SLC35F1: variants seen among roughly 807,000 people sequenced by gnomAD.
The protein encoded by SLC35F1 is chromosome 6 open reading frame 169.
SLC35F1 carries 14 observed loss-of-function variants against 48.7 expected under a neutral mutation model. The observed-to-expected ratio is 0.29, with a 90% CI of 0.19 to 0.45. The LOEUF is 0.45. Among genes scored for constraint, SLC35F1 ranks in the 20% least tolerant of loss-of-function variants. The probability of loss-of-function intolerance (pLI) is 1.00; values close to 1 mark genes in which losing one functional copy is unlikely to be tolerated. For missense variants in SLC35F1, 404 were observed against 500.0 expected (o/e 0.81, Z 1.83); for synonymous variants, 190 against 202.2 (o/e 0.94, Z 0.51).
chr6:118,216,336 C>T (rs1775072082), intron 2 of SLC35F1, among the ~76,000 whole-genome samples: 2 of 151,428 alleles, frequency 1.3e-5, no homozygotes, highest in African/African-American at 4.9e-5. Flanking sequence ...GGATTACAGG[C>T]ATGAGCCACA....
At chr6:117,925,070 A>G (rs1233031283) in intron 1 of SLC35F1, among the ~76,000 whole-genome samples, 1 of 152,156 alleles carries the variant, frequency 6.6e-6, no homozygotes, top group African/African-American at 2.4e-5. Context: ...GTTACATGGA[A>G]ATAAGTGTGT....
At chr6:117,915,399 C>A (rs542964567) in intron 1 of SLC35F1, among the ~76,000 whole-genome samples, 1 of 152,116 alleles carries the variant, frequency 6.6e-6, no homozygotes, top group South Asian at 2.1e-4. Flanking sequence ...TGTAAAACCA[C>A]AGAGGAGGGA....
At chr6:118,178,680 A>G (rs547107409) in intron 2 of SLC35F1, among the ~76,000 whole-genome samples, 1 of 152,158 alleles carries the variant, frequency 6.6e-6, no homozygotes, top group South Asian at 2.1e-4. Flanking sequence ...CAGGAGACTG[A>G]CAATACCAAT....
At chr6:118,010,993 G>A (rs9385028) in intron 1 of SLC35F1, among the ~76,000 whole-genome samples, 36,260 of 152,038 alleles carry the variant, frequency 0.24, 4,461 homozygotes, top group East Asian at 0.3. Context: ...GGTTGTTAGA[G>A]CCTTGGCAGA....
chr6:117,943,981 T>C (rs544679492), intron 1 of SLC35F1, among the ~76,000 whole-genome samples: 1 of 152,184 alleles, frequency 6.6e-6, no homozygotes, highest in Non-Finnish European at 1.5e-5. Flanking sequence ...TTCTTCACCA[T>C]CCATAGATCT....
At chr6:118,070,888 A>T in intron 1 of SLC35F1, among the ~76,000 whole-genome samples, 1 of 64,492 alleles carries the variant, frequency 1.6e-5, no homozygotes, top group East Asian at 4.6e-4. Context: ...ATATATACAT[A>T]GTAAATATAT....
chr6:118,176,476 T>A (rs1428091838), intron 2 of SLC35F1, among the ~76,000 whole-genome samples: 1 of 152,132 alleles, frequency 6.6e-6, no homozygotes, highest in Non-Finnish European at 1.5e-5. Flanking sequence ...ATTAAAGGCA[T>A]GAGCCATAGT....
intron 3 of SLC35F1, among the ~76,000 whole-genome samples, chr6:118,262,185 G>A (rs1312944416): frequency 1.5e-4 from 23 of 152,224 alleles, no homozygotes; most frequent in Non-Finnish European, 1.5e-5. Context: ...CACACTTTCG[G>A]AAGTGTGGGT....
chr6:118,305,642 CT>C (rs1338960104), intron 7 of SLC35F1, among the ~76,000 whole-genome samples: 1 of 152,156 alleles, frequency 6.6e-6, no homozygotes. Flanking sequence ...GATGTTCACC[CT>C]TTTCCTTCAT....
At chr6:118,245,209 C>T (rs1775491964) in intron 3 of SLC35F1, among the ~76,000 whole-genome samples, 1 of 152,154 alleles carries the variant, frequency 6.6e-6, no homozygotes, top group African/African-American at 2.4e-5. Flanking sequence ...TTCCAAACAC[C>T]CTCCACCTGG....
chr6:118,072,772 T>A (rs1772754231), intron 1 of SLC35F1, among the ~76,000 whole-genome samples: 2 of 152,100 alleles, frequency 1.3e-5, no homozygotes, highest in African/African-American at 4.8e-5. Flanking sequence ...GGGTTTTTAT[T>A]TGAGGTGTTT....
At chr6:118,112,753 A>G (rs966949976) in intron 1 of SLC35F1, among the ~76,000 whole-genome samples, 1 of 152,234 alleles carries the variant, frequency 6.6e-6, no homozygotes, top group Admixed American at 6.5e-5. Flanking sequence ...AGGAAATAGA[A>G]TAATGTAAAA....
chr6:118,053,233 G>A (rs1772415847), intron 1 of SLC35F1, among the ~76,000 whole-genome samples: 1 of 152,140 alleles, frequency 6.6e-6, no homozygotes, highest in South Asian at 2.1e-4. Flanking sequence ...CCAAACAGAG[G>A]ATGTGTTACT....
intron 2 of SLC35F1, among the ~76,000 whole-genome samples, chr6:118,229,068 T>C (rs1775255698): frequency 1.3e-5 from 2 of 151,892 alleles, no homozygotes; most frequent in African/African-American, 4.8e-5. Context: ...TTTCCAGTCA[T>C]TGGCTTGGAT....
At chr6:117,911,091 T>C (rs1049885146) in intron 1 of SLC35F1, among the ~76,000 whole-genome samples, 1 of 152,190 alleles carries the variant, frequency 6.6e-6, no homozygotes, top group Non-Finnish European at 1.5e-5. Flanking sequence ...TACACAACAA[T>C]TGGGGTATTT....
intron 1 of SLC35F1, among the ~76,000 whole-genome samples, chr6:118,058,438 T>G (rs964987359): frequency 3.9e-5 from 6 of 152,274 alleles, no homozygotes; most frequent in East Asian, 3.9e-4. Context: ...GAGTCCCTAT[T>G]TTCTCATTTC....
At chr6:117,923,773 A>ATACATG (rs1562239028) in intron 1 of SLC35F1, among the ~76,000 whole-genome samples, 1 of 125,674 alleles carries the variant, frequency 8.0e-6, no homozygotes, top group African/African-American at 2.9e-5. Context: ...GCACATACAT[A>ATACATG]TGTATATATA....
intron 1 of SLC35F1, chr6:117,999,391 T>C: frequency 1.3e-6 from 2 of 1,585,012 alleles, no homozygotes; most frequent in Non-Finnish European, 1.7e-6. Flanking sequence ...CAGCTCCAGC[T>C]TCAGTTCCAG....
At chr6:117,978,132 T>G (rs1156685465) in intron 1 of SLC35F1, among the ~76,000 whole-genome samples, 1 of 152,190 alleles carries the variant, frequency 6.6e-6, no homozygotes, top group Non-Finnish European at 1.5e-5. Flanking sequence ...GAATTTGATT[T>G]CCTCTGCTAT....
Sources: gnomAD v4.1 joint callset for allele counts (sites outside exome capture counted in the v4.1 genomes callset) on GRCh38, gnomAD v4.1.1 for gene constraint, MANE v1.5 for transcripts, NCBI Gene and HGNC (gene_info 2026-07-23, HGNC 2026-07-21) for gene names.